NAALADL2: variants seen among roughly 807,000 people sequenced by gnomAD.
The protein encoded by NAALADL2 is N-acetylated alpha-linked acidic dipeptidase like 2.
NAALADL2 carries 76 observed loss-of-function variants against 87.2 expected under a neutral mutation model. That is an observed-to-expected ratio of 0.87 (90% CI 0.72 to 1.05). The LOEUF (loss-of-function observed/expected upper bound fraction) is 1.05, where lower values mean the gene tolerates loss of function less well. Ranked by LOEUF, NAALADL2 falls within the 50% of genes least tolerant of loss-of-function variation. The pLI, the probability that NAALADL2 is intolerant of heterozygous loss-of-function variation, is 0.00. For missense variants in NAALADL2, 1,089 were observed against 945.8 expected, an observed-to-expected ratio of 1.15 and a Z score of -1.99; for synonymous variants, 354 against 331.0, an observed-to-expected ratio of 1.07 and a Z score of -0.75.
At chr3:175,190,073 TTAAACA>T (rs1257094055) in intron 2 of NAALADL2, among the ~76,000 whole-genome samples, 2 of 151,826 alleles carry the variant, frequency 1.3e-5, no homozygotes, top group African/African-American at 2.4e-5. Flanking sequence ...GATAAAAGAC[TTAAACA>T]TAAGATCTGA....
chr3:174,466,188 G>T (rs542309281), intron 1 of NAALADL2, among the ~76,000 whole-genome samples: 1 of 151,914 alleles, frequency 6.6e-6, no homozygotes, highest in African/African-American at 2.4e-5. Context: ...GAACAAACTT[G>T]TCCAACCTGT....
intron 1 of NAALADL2, among the ~76,000 whole-genome samples, chr3:174,525,935 A>G (rs1578087049): frequency 6.6e-6 from 1 of 152,194 alleles, no homozygotes; most frequent in Non-Finnish European, 1.5e-5. Context: ...CTGATCTTAT[A>G]CAAGAGTAGT....
At chr3:174,847,461 A>T (rs956939452) in intron 3 of NAALADL2, among the ~76,000 whole-genome samples, 1 of 152,148 alleles carries the variant, frequency 6.6e-6, no homozygotes, top group African/African-American at 2.4e-5. Context: ...ATAATCAAGA[A>T]ATAAACTTTT....
At chr3:175,124,996 A>G (rs1284305234) in intron 2 of NAALADL2, among the ~76,000 whole-genome samples, 2 of 151,908 alleles carry the variant, frequency 1.3e-5, no homozygotes, top group African/African-American at 4.8e-5. Flanking sequence ...AATGAGTCAG[A>G]AAAATAATAG....
At chr3:174,499,869 C>G (rs770230786) in intron 1 of NAALADL2, among the ~76,000 whole-genome samples, 24 of 152,026 alleles carry the variant, frequency 1.6e-4, no homozygotes, top group Non-Finnish European at 3.2e-4. Flanking sequence ...AGCCCAACTG[C>G]AAATTTGTTC....
intron 9 of NAALADL2, among the ~76,000 whole-genome samples, chr3:175,553,397 C>T (rs1348266486): frequency 2.6e-5 from 4 of 152,032 alleles, no homozygotes; most frequent in Non-Finnish European, 5.9e-5. Context: ...TTTTAGGATG[C>T]TTTTTCTTCT....
chr3:174,514,349 GTA>G (rs1018234538), intron 1 of NAALADL2, among the ~76,000 whole-genome samples: 14 of 151,976 alleles, frequency 9.2e-5, no homozygotes, highest in Non-Finnish European at 1.9e-4. Context: ...AAGTCTCTAT[GTA>G]TATGTTTCAT....
chr3:175,564,879 T>C (rs1014616642), intron 9 of NAALADL2, among the ~76,000 whole-genome samples: 1 of 152,212 alleles, frequency 6.6e-6, no homozygotes, highest in African/African-American at 2.4e-5. Flanking sequence ...GGATTTGTCA[T>C]TCTATATGTA....
chr3:175,089,303 G>C (rs1185020785), intron 1 of NAALADL2, among the ~76,000 whole-genome samples: 1 of 151,434 alleles, frequency 6.6e-6, no homozygotes, highest in Non-Finnish European at 1.5e-5. Flanking sequence ...CCATAACCAG[G>C]GATTAATAAG....
chr3:175,494,718 C>G lies in NAALADL2; in HGVS notation c.1653+22960C>G, dbSNP rs142297571. Among the ~76,000 whole-genome samples, 484 of 152,214 alleles carry G rather than the reference C, an allele frequency of 3.2e-3. 2 individuals are homozygous for G. The highest frequency in any genetic ancestry group is 0.01 in the African/African-American group (420 of 41,552). On this transcript the variant is annotated intron_variant, in intron 9 of 13. Transcript: ENST00000454872. ...GGTACCTAGGACACGTCTTTAAATACTATGGACCTATCGTCTGCTGTCCCT... is the reference window on the plus strand; with the variant it reads ...GGTACCTAGGACACGTCTTTAAATAGTATGGACCTATCGTCTGCTGTCCCT...
intron 9 of NAALADL2, among the ~76,000 whole-genome samples, chr3:175,555,459 C>A (rs1715108172): frequency 6.6e-6 from 1 of 152,154 alleles, no homozygotes; most frequent in Non-Finnish European, 1.5e-5. Flanking sequence ...AATTTTCAAA[C>A]CCGTACACTG....
intron 2 of NAALADL2, among the ~76,000 whole-genome samples, chr3:174,687,705 A>G (rs1369204879): frequency 2.6e-5 from 4 of 152,100 alleles, no homozygotes; most frequent in African/African-American, 9.7e-5. Context: ...ATAATTTGAT[A>G]TGGTTTGGCT....
At chr3:175,231,663 T>C (rs1229566928) in intron 2 of NAALADL2, among the ~76,000 whole-genome samples, 2 of 152,138 alleles carry the variant, frequency 1.3e-5, no homozygotes, top group Non-Finnish European at 2.9e-5. Flanking sequence ...CATTCCCTGG[T>C]GGATTTATGT....
intron 2 of NAALADL2, among the ~76,000 whole-genome samples, chr3:174,614,244 G>A (rs998127069): frequency 6.6e-6 from 1 of 152,252 alleles, no homozygotes; most frequent in Non-Finnish European, 1.5e-5. Context: ...GCCCAGCTGT[G>A]CATTAGTACT....
chr3:175,586,597 C>A (rs2149589201), intron 10 of NAALADL2, among the ~76,000 whole-genome samples: 1 of 152,234 alleles, frequency 6.6e-6, no homozygotes, highest in Non-Finnish European at 1.5e-5. Flanking sequence ...CTAAATAGTG[C>A]AATGTTTATG....
chr3:175,113,462 G>C (rs985678754), intron 2 of NAALADL2, among the ~76,000 whole-genome samples: 3 of 151,576 alleles, frequency 2.0e-5, no homozygotes, highest in African/African-American at 7.3e-5. Context: ...AACAGCATCT[G>C]TGTCAGTTTT....
intron 5 of NAALADL2, among the ~76,000 whole-genome samples, chr3:175,372,106 T>C (rs994287220): frequency 1.3e-5 from 2 of 152,300 alleles, no homozygotes; most frequent in Non-Finnish European, 2.9e-5. Flanking sequence ...AAATTTTTTT[T>C]CCACTGCTTC....
intron 1 of NAALADL2, among the ~76,000 whole-genome samples, chr3:174,504,415 C>A (rs1258999927): frequency 6.6e-6 from 1 of 152,180 alleles, no homozygotes; most frequent in Non-Finnish European, 1.5e-5. Context: ...GGTATTCAAA[C>A]CAGACATGGC....
intron 11 of NAALADL2, among the ~76,000 whole-genome samples, chr3:175,715,114 CCTTT>C (rs1270058262): frequency 6.6e-6 from 1 of 152,110 alleles, no homozygotes. Flanking sequence ...ATACGTGGAA[CCTTT>C]CTTTAGTGTT....
Sources: allele counts gnomAD v4.1 joint callset (sites outside exome capture counted in the v4.1 genomes callset), GRCh38; gene constraint gnomAD v4.1.1; transcripts MANE v1.5; gene names NCBI Gene and HGNC (gene_info 2026-07-23, HGNC 2026-07-21).